PDE3A: variants seen among roughly 807,000 people sequenced by gnomAD.
PDE3A encodes the protein phosphodiesterase 3A, also known as cGMP-inhibited 3',5'-cyclic phosphodiesterase 3A.
A neutral mutation model predicts 98.3 loss-of-function variants in PDE3A; 43 were observed. That is an observed-to-expected ratio of 0.44 (90% CI 0.34 to 0.56). The LOEUF (loss-of-function observed/expected upper bound fraction) is 0.56, where lower values mean the gene tolerates loss of function less well. PDE3A is among the 20% of genes least tolerant of loss of function. The probability of loss-of-function intolerance (pLI) is 0.01; values close to 1 mark genes in which losing one functional copy is unlikely to be tolerated. For missense variants in PDE3A, 1,427 were observed against 1,440.7 expected (o/e 0.99, Z 0.15); for synonymous variants, 663 against 567.9 (o/e 1.17, Z -2.38).
intron 1 of PDE3A, among the ~76,000 whole-genome samples, chr12:20,427,219 A>T (rs1944615222): frequency 6.6e-6 from 1 of 152,240 alleles, no homozygotes; most frequent in Non-Finnish European, 1.5e-5. Context: ...GGAACTGATC[A>T]GAGAAAACCA....
At chr12:20,416,736 A>G (rs2120734320) in intron 1 of PDE3A, among the ~76,000 whole-genome samples, 1 of 152,286 alleles carries the variant, frequency 6.6e-6, no homozygotes, top group Admixed American at 6.5e-5. Flanking sequence ...GATTTCTTAA[A>G]TTTAAATTTC....
rs144296189 is a variant in PDE3A at position 20,369,791 on chromosome 12, G to C, written c.507G>C (p.Gly169=). ...TCGCGCTGCTGGCCGCCTGCTGCGG[G>C]GGGGAAGCGCTCGTCCAGATTGGGC... The part of the protein sequence containing the change: ...LAVALLAACC[G]GEALVQIGLG... Residue 169 remains glycine, a synonymous_variant, in exon 1 of 16, where the codon GGG becomes GGC. Coordinates refer to ENST00000359062, the MANE Select transcript of PDE3A (RefSeq NM_000921.5). 8.4e-5 allele frequency: 135 copies of C among 1,612,576 alleles called. No individual in the cohort carries two copies. The African/African-American group carries it at 9.2e-4, about 11-fold the overall frequency.
At chr12:20,528,489 TC>T in intron 1 of PDE3A, among the ~76,000 whole-genome samples, 1 of 152,352 alleles carries the variant, frequency 6.6e-6, no homozygotes, top group East Asian at 1.9e-4. Flanking sequence ...AGCTTCTGCC[TC>T]CACAAGGAAT....
At chr12:20,585,243 T>C (rs1033152750) in intron 2 of PDE3A, among the ~76,000 whole-genome samples, 3 of 152,346 alleles carry the variant, frequency 2.0e-5, no homozygotes, top group South Asian at 4.1e-4. Flanking sequence ...CAGCTACTAA[T>C]GACCTTTTGT....
intron 1 of PDE3A, among the ~76,000 whole-genome samples, chr12:20,532,608 T>A (rs1308309679): frequency 6.6e-6 from 1 of 151,982 alleles, no homozygotes; most frequent in African/African-American, 2.4e-5. Context: ...ATGTGAATAT[T>A]AGCAATACTG....
chr12:20,520,548 A>AT, intron 1 of PDE3A, among the ~76,000 whole-genome samples: 1 of 152,182 alleles, frequency 6.6e-6, no homozygotes, highest in East Asian at 1.9e-4. Context: ...AATATTTCTT[A>AT]TGTCTGCCAG....
intron 1 of PDE3A, among the ~76,000 whole-genome samples, chr12:20,415,652 G>A (rs1944410454): frequency 6.6e-6 from 1 of 152,106 alleles, no homozygotes; most frequent in African/African-American, 2.4e-5. Flanking sequence ...GGCCAGGCTG[G>A]TCTTGAACTC....
Position 20,449,442 on chromosome 12 carries a change from A to G in PDE3A, c.960+79198A>G, listed in dbSNP as rs150831641. Among the ~76,000 whole-genome samples, 12 of 152,278 alleles carry G rather than the reference A, an allele frequency of 7.9e-5. No homozygotes were observed. In the East Asian group the frequency reaches 2.3e-3, roughly 29 times the overall value. ...TTTTTATTTTTATTCATTTTTTAGA[A>G]CATCTTAAATTTTTAATCCTTTATT... On this transcript the variant is annotated intron_variant, in intron 1 of 15. Transcript: ENST00000359062.
rs1945999265 is a variant in PDE3A at position 20,687,412 on chromosome 12, T to C, written c.*7141T>C. 6.6e-6 allele frequency among the ~76,000 whole-genome samples: 1 copy of C among 152,108 alleles called. No individual in the cohort carries two copies. Among genetic ancestry groups the C allele is most frequent in the Non-Finnish European group, 1.5e-5 (1 of 67,970 alleles). On this transcript the variant is annotated 3_prime_UTR_variant, in exon 16 of 16. Transcript: ENST00000359062. The stretch of plus-strand genomic sequence containing the variant: ...TTTTAATGGCTTTACTTAATACATA[T>C]TTGTTCATCAGCTTAAAAAATCACT...
chr12:20,599,011 C>CTGAT (rs1264788945), intron 2 of PDE3A, among the ~76,000 whole-genome samples: 4 of 152,192 alleles, frequency 2.6e-5, no homozygotes, highest in Admixed American at 6.5e-5. Flanking sequence ...CAGTTACCAA[C>CTGAT]TGATAGAATT....
intron 14 of PDE3A, among the ~76,000 whole-genome samples, chr12:20,651,723 A>C (rs1028527407): frequency 6.6e-6 from 1 of 151,834 alleles, no homozygotes; most frequent in Admixed American, 6.6e-5. Flanking sequence ...ATTAGAATGA[A>C]ATTTTATGGT....
chr12:20,618,474 C>T (rs1050926691), intron 4 of PDE3A, among the ~76,000 whole-genome samples: 1 of 151,940 alleles, frequency 6.6e-6, no homozygotes, highest in African/African-American at 2.4e-5. Context: ...ACTCATATTC[C>T]TTTATATATA....
At chr12:20,581,124 T>C (rs1340415070) in intron 2 of PDE3A, among the ~76,000 whole-genome samples, 1 of 152,192 alleles carries the variant, frequency 6.6e-6, no homozygotes, top group Non-Finnish European at 1.5e-5. Context: ...TAAATTTTCT[T>C]TTAAAATTAT....
chr12:20,373,933 C>T (rs1231130853), intron 1 of PDE3A, among the ~76,000 whole-genome samples: 1 of 152,106 alleles, frequency 6.6e-6, no homozygotes, highest in Non-Finnish European at 1.5e-5. Context: ...TATTTCTTCT[C>T]AAAATGTAGA....
In PDE3A at chr12:20,433,132, C is replaced by T. The variant is rs143984922; in HGVS notation, c.960+62888C>T. 3.3e-3 allele frequency among the ~76,000 whole-genome samples: 508 copies of T among 152,190 alleles called. 2 individuals carry two copies. Among genetic ancestry groups the T allele is most frequent in the African/African-American group, 0.012 (488 of 41,538 alleles). ...TTCCCAGCAGCCTCCAAAAATCCTC[C>T]TTTTATTAACCTGACTAATCTTTTT... On this transcript the variant is annotated intron_variant, in intron 1 of 15. Coordinates refer to ENST00000359062, the MANE Select transcript of PDE3A (RefSeq NM_000921.5).
chr12:20,406,999 C>G (rs2120689458), intron 1 of PDE3A, among the ~76,000 whole-genome samples: 1 of 152,256 alleles, frequency 6.6e-6, no homozygotes, highest in East Asian at 1.9e-4. Context: ...GATTAGGTGA[C>G]CGCATGTGCA....
At chr12:20,376,356 G>C (rs1335312372) in intron 1 of PDE3A, among the ~76,000 whole-genome samples, 1 of 151,902 alleles carries the variant, frequency 6.6e-6, no homozygotes, top group East Asian at 1.9e-4. Context: ...CAGTAGGAAA[G>C]GAGTCAGGCT....
At chr12:20,531,947 T>G (rs977830414) in intron 1 of PDE3A, among the ~76,000 whole-genome samples, 3 of 150,404 alleles carry the variant, frequency 2.0e-5, no homozygotes, top group African/African-American at 4.9e-5. Context: ...AATAAAAGTT[T>G]TTTTTTTTTA....
intron 1 of PDE3A, among the ~76,000 whole-genome samples, chr12:20,520,677 T>C (rs940475639): frequency 6.6e-6 from 1 of 152,228 alleles, no homozygotes; most frequent in African/African-American, 2.4e-5. Context: ...TTCTAGGATT[T>C]GGCCCAAGGT....
Sources: allele counts gnomAD v4.1 joint callset (sites outside exome capture counted in the v4.1 genomes callset), GRCh38; gene constraint gnomAD v4.1.1; transcripts MANE v1.5; gene names NCBI Gene and HGNC (gene_info 2026-07-23, HGNC 2026-07-21).